The following TC2N variants were observed in gnomAD, a reference collection of about 807,000 sequenced individuals.
TC2N encodes tandem C2 domains, nuclear.
In TC2N, 51 loss-of-function variants were observed where a neutral mutation model predicts 61.9. The observed-to-expected ratio is 0.82, with a 90% confidence interval of 0.66 to 1.04. The LOEUF (loss-of-function observed/expected upper bound fraction) is 1.04. Ranked by LOEUF, TC2N falls within the 50% of genes least tolerant of loss-of-function variation. The pLI, the probability that TC2N is intolerant of heterozygous loss-of-function variation, is 0.00. For synonymous variants in TC2N, 204 were observed against 192.6 expected, an observed-to-expected ratio of 1.06 and a Z score of -0.49; for missense variants, 556 against 566.7, an observed-to-expected ratio of 0.98 and a Z score of 0.19.
At chr14:91,783,361 G>T in intron 11 of TC2N, 151 bp from the exon 12 acceptor site, 2 of 545,280 alleles carry the variant, frequency 3.7e-6, no homozygotes, top group South Asian at 2.7e-5. Context: ...AAGTCAGATT[G>T]ATTTCTCTAT....
At chr14:91,842,568 A>G (rs1490937825) in intron 1 of TC2N, among the ~76,000 whole-genome samples, 1 of 152,208 alleles carries the variant, frequency 6.6e-6, no homozygotes, top group Non-Finnish European at 1.5e-5. Context: ...GTCTATTAAT[A>G]TAGAATGAGA....
intron 1 of TC2N, among the ~76,000 whole-genome samples, chr14:91,828,723 C>T (rs1887613397): frequency 6.6e-6 from 1 of 151,938 alleles, no homozygotes; most frequent in East Asian, 1.9e-4. Context: ...GATTGCATTC[C>T]CATGGTGTCA....
At chr14:91,827,432 G>A (rs1005804325) in intron 1 of TC2N, among the ~76,000 whole-genome samples, 3 of 152,072 alleles carry the variant, frequency 2.0e-5, no homozygotes, top group Admixed American at 2.0e-4. Flanking sequence ...TGCATTCCTT[G>A]GCTCATGGCC....
chr14:91,862,507 G>A (rs1353095507), intron 1 of TC2N, among the ~76,000 whole-genome samples: 3 of 152,200 alleles, frequency 2.0e-5, no homozygotes, highest in Non-Finnish European at 4.4e-5. Flanking sequence ...CAGCAAAGGA[G>A]CGGAGTGGGG....
At chr14:91,802,547 T>C (rs988366610) in intron 3 of TC2N, 126 bp from the exon 4 acceptor site, 3 of 785,400 alleles carry the variant, frequency 3.8e-6, no homozygotes, top group Non-Finnish European at 6.1e-6. Flanking sequence ...ATGTCTTTGA[T>C]AGCTAAAAAG....
chr14:91,789,657 G>GCTTACCATT (rs1349951841), intron 9 of TC2N, among the ~76,000 whole-genome samples: 1 of 150,620 alleles, frequency 6.6e-6, no homozygotes, highest in Non-Finnish European at 1.5e-5. Context: ...TTGGCAATAG[G>GCTTACCATT]CTTACCATTT....
Position 91,793,080 on chromosome 14 carries a change from C to T in TC2N, c.856-522G>A, listed in dbSNP as rs749290944. On this transcript the variant is annotated intron_variant, in intron 8 of 11. Coordinates refer to ENST00000435962, the MANE Select transcript of TC2N (RefSeq NM_001128596.3). ...TTGGTGACATTTATTCCACCCTTTCCGATCTGAAAATCTAACTCCTTGATA... is the reference window on the plus strand; with the variant it reads ...TTGGTGACATTTATTCCACCCTTTCTGATCTGAAAATCTAACTCCTTGATA... Among the ~76,000 whole-genome samples the T allele has an allele frequency of 6.6e-5, 10 of 152,208 alleles. No homozygotes were observed. The South Asian group carries it at 1.7e-3, about 25-fold the overall frequency.
At chr14:91,858,152 C>CTTCT (rs1555373188) in intron 1 of TC2N, among the ~76,000 whole-genome samples, 19,061 of 92,742 alleles carry the variant, frequency 0.21, 2,479 homozygotes, top group South Asian at 0.37. Context: ...TCTTCTTCTT[C>CTTCT]TTTTTTTTTT....
At chr14:91,801,730 CTTT>C (rs1047039028) in intron 4 of TC2N, among the ~76,000 whole-genome samples, 1 of 152,134 alleles carries the variant, frequency 6.6e-6, no homozygotes, top group African/African-American at 2.4e-5. Flanking sequence ...CTTCTTTCTT[CTTT>C]ATGTTTTTTC....
chr14:91,860,913 A>G (rs113239361), intron 1 of TC2N, among the ~76,000 whole-genome samples: 51 of 152,228 alleles, frequency 3.4e-4, no homozygotes, highest in African/African-American at 1.2e-3. Flanking sequence ...TTACAAGGCA[A>G]TTAAGGGTTC....
intron 1 of TC2N, among the ~76,000 whole-genome samples, chr14:91,845,454 T>C (rs75896448): frequency 0.064 from 9,763 of 152,172 alleles, 425 homozygotes; most frequent in Non-Finnish European, 0.099. Flanking sequence ...ACAGATTTAG[T>C]TGGTAAATTG....
At chr14:91,846,504 G>C (rs1888274116) in intron 1 of TC2N, among the ~76,000 whole-genome samples, 1 of 152,140 alleles carries the variant, frequency 6.6e-6, no homozygotes, top group African/African-American at 2.4e-5. Flanking sequence ...AAGAATTTGA[G>C]CCACAGCAAC....
intron 5 of TC2N, among the ~76,000 whole-genome samples, chr14:91,799,926 T>C (rs1207558890): frequency 6.6e-6 from 1 of 152,108 alleles, no homozygotes; most frequent in African/African-American, 2.4e-5. Context: ...AAGTCCTACA[T>C]CTCAAAAGAA....
rs186730717 is a variant in TC2N, at chr14:91,802,746, G to T, written c.302-325C>A. Among the ~76,000 whole-genome samples, 90 of 150,860 alleles carry T rather than the reference G, an allele frequency of 6.0e-4. 1 individual carries two copies. Among genetic ancestry groups the T allele is most frequent in the East Asian group, 3.3e-3 (17 of 5,130 alleles). ...GAACATCTTTTAAATTACAAGATTG[G>T]GGGGGGAGATACATCCTTTTCAAGA... On this transcript the variant is annotated intron_variant, in intron 3 of 11. Coordinates refer to ENST00000435962, the MANE Select transcript of TC2N (RefSeq NM_001128596.3).
intron 1 of TC2N, among the ~76,000 whole-genome samples, chr14:91,852,603 C>T (rs1003059392): frequency 1.3e-5 from 2 of 152,164 alleles, no homozygotes; most frequent in Non-Finnish European, 2.9e-5. Context: ...AAATGATCTC[C>T]CACTTTCCTA....
At position 91,815,786 on chromosome 14, in the gene TC2N, T is replaced by C. The variant is rs150265022; in HGVS notation, c.-56-1961A>G. Among the ~76,000 whole-genome samples the C allele has an allele frequency of 2.4e-4, 36 of 151,764 alleles. No individual in the cohort carries two copies. In the East Asian group the frequency reaches 6.4e-3, roughly 27 times the overall value. ...CACATAAATAATGATCTCCAAAAGA[T>C]GTGGCAAAGGACTTAGGAGTTAACT... On this transcript the variant is annotated intron_variant, in intron 1 of 11. Coordinates refer to ENST00000435962, the MANE Select transcript of TC2N (RefSeq NM_001128596.3).
Position 91,853,629 on chromosome 14 carries a change from AT to A in TC2N, c.-57+13632del, listed in dbSNP as rs34565741. Among the ~76,000 whole-genome samples, 784 of 141,716 alleles carry A rather than the reference AT, an allele frequency of 5.5e-3. 5 individuals are homozygous for A. The highest frequency in any genetic ancestry group is 9.1e-3 in the African/African-American group (341 of 37,638). The allele number at this position is 141,716 out of a possible 152,430, so 93.0% of individuals were successfully genotyped here. A position where few individuals can be genotyped will look rare whatever the true frequency, so the allele number is the denominator to read the frequency against. ...GCCCTTCACTGAATTCTCTGCTTGG[AT>A]TTTTTTTTTTTTTTAAAGTACACAC... On this transcript the variant is annotated intron_variant, in intron 1 of 11. Transcript: ENST00000435962.
Position 91,815,248 on chromosome 14 carries a change from C to A in TC2N, c.-56-1423G>T, listed in dbSNP as rs188562854. ...GCAAAAGTTAAAAGAAAACATGGCACCCCATAAAAAGTGTGAGAAAACATT... is the reference window on the plus strand; with the variant it reads ...GCAAAAGTTAAAAGAAAACATGGCAACCCATAAAAAGTGTGAGAAAACATT... On this transcript the variant is annotated intron_variant, in intron 1 of 11. Transcript: ENST00000435962. Among the ~76,000 whole-genome samples, 3 of 151,588 alleles carry A rather than the reference C, an allele frequency of 2.0e-5. No homozygotes were observed. The East Asian group carries it at 5.8e-4, about 29-fold the overall frequency.
At chr14:91,820,902 C>A (rs929256205) in intron 1 of TC2N, among the ~76,000 whole-genome samples, 1 of 151,780 alleles carries the variant, frequency 6.6e-6, no homozygotes, top group Admixed American at 6.6e-5. Context: ...AAATGAAGTA[C>A]AAGACTTATA....
Sources: allele counts gnomAD v4.1 joint callset (sites outside exome capture counted in the v4.1 genomes callset), GRCh38; gene constraint gnomAD v4.1.1; transcripts MANE v1.5; gene names NCBI Gene and HGNC (gene_info 2026-07-23, HGNC 2026-07-21).